Variants in ABCA4 observed in about 807,000 individuals in gnomAD.
ABCA4 encodes retinal-specific phospholipid-transporting ATPase ABCA4.
A neutral mutation model predicts 263.7 loss-of-function variants in ABCA4; 196 were observed. The observed-to-expected ratio is 0.74, with a 90% CI of 0.66 to 0.84. ABCA4 has a LOEUF of 0.84. ABCA4 is among the 40% of genes least tolerant of loss of function. The pLI is 0.00. For missense variants in ABCA4, 2,792 were observed against 2,855.1 expected (o/e 0.98, Z 0.50); for synonymous variants, 1,133 against 1,094.2 (o/e 1.04, Z -0.70).
chr1:94,028,930 A>AAAAAAAAAAAAAC (rs35998587), intron 30 of ABCA4, among the ~76,000 whole-genome samples: 6 of 108,038 alleles, frequency 5.6e-5, no homozygotes, highest in African/African-American at 1.1e-4. Flanking sequence ...AAAAAAAAAA[A>AAAAAAAAAAAAAC]GAAATTCAAA....
At position 94,028,586 on chromosome 1, in the gene ABCA4, G is replaced by A. The variant is rs141416377; in HGVS notation, c.4539+859C>T. Reference sequence around the variant, plus strand: ...ATGGTGAAAACTAAAAAACCTAAGTGGCGAATAATGGGAGATCAGTTAATT... The same window carrying A: ...ATGGTGAAAACTAAAAAACCTAAGTAGCGAATAATGGGAGATCAGTTAATT... On this transcript the variant is annotated intron_variant, in intron 30 of 49. Coordinates refer to ENST00000370225, the MANE Select transcript of ABCA4 (RefSeq NM_000350.3). 5.8e-3 allele frequency among the ~76,000 whole-genome samples: 881 copies of A among 152,232 alleles called. 4 individuals are homozygous for A. Among genetic ancestry groups the A allele is most frequent in the Non-Finnish European group, 1.0e-2 (678 of 68,006 alleles).
intron 11 of ABCA4, among the ~76,000 whole-genome samples, chr1:94,065,387 A>C (rs1387336532): frequency 6.6e-6 from 1 of 152,222 alleles, no homozygotes; most frequent in East Asian, 1.9e-4. Flanking sequence ...CGAGAAATAA[A>C]GAAACGAGAA....
At chr1:94,078,259 T>G (rs1442305974) in intron 10 of ABCA4, among the ~76,000 whole-genome samples, 2 of 152,248 alleles carry the variant, frequency 1.3e-5, no homozygotes, top group East Asian at 3.8e-4. Context: ...CATTCCACCA[T>G]CTTTGGAGTT....
intron 11 of ABCA4, among the ~76,000 whole-genome samples, chr1:94,075,060 A>G (rs1447366562): frequency 6.6e-6 from 1 of 152,182 alleles, no homozygotes; most frequent in Non-Finnish European, 1.5e-5. Context: ...CTAACACAGG[A>G]ACAGAAAACT....
At chr1:94,036,602 C>A in intron 26 of ABCA4, 138 bp downstream of exon 26, 1 of 888,766 alleles carries the variant, frequency 1.1e-6, no homozygotes, top group South Asian at 1.4e-5. Context: ...GTCTCGAACT[C>A]AGGTGGTCCA....
intron 36 of ABCA4, among the ~76,000 whole-genome samples, chr1:94,018,834 T>C (rs1449607939): frequency 2.0e-5 from 3 of 151,970 alleles, no homozygotes; most frequent in Non-Finnish European, 4.4e-5. Flanking sequence ...CCACCAACCT[T>C]GGTTGTCAGG....
intron 20 of ABCA4, among the ~76,000 whole-genome samples, chr1:94,043,746 ATATCT>A (rs1319109723): frequency 1.3e-5 from 2 of 149,590 alleles, no homozygotes; most frequent in African/African-American, 2.5e-5. Context: ...GATGTTCCTG[ATATCT>A]TATGTTTAAA....
chr1:94,062,547 A>G, intron 13 of ABCA4, 30 bp downstream of exon 13: 1 of 1,600,488 alleles, frequency 6.2e-7, no homozygotes, highest in African/African-American at 1.3e-5. Context: ...TTAGCGTGTC[A>G]TGGAGGAGGA....
Position 94,021,845 on chromosome 1 carries a change from C to A in ABCA4, c.4773+1G>T, listed in dbSNP as rs61751376. ...CTCAAATCTCCAGTCTGTTTACATA[C>A]CCCGCTCACATTCATGATCCGGCCA... On this transcript the variant is annotated splice_donor_variant, in intron 33 of 49. Coordinates refer to ENST00000370225, the MANE Select transcript of ABCA4 (RefSeq NM_000350.3). LOFTEE classifies it high-confidence loss of function. 6.2e-7 allele frequency: 1 copy of A among 1,614,066 alleles called. No homozygotes were observed. Among genetic ancestry groups the A allele is most frequent in the East Asian group, 2.2e-5 (1 of 44,878 alleles).
chr1:94,067,797 T>C (rs1451631437), intron 11 of ABCA4, among the ~76,000 whole-genome samples: 1 of 152,202 alleles, frequency 6.6e-6, no homozygotes, highest in Non-Finnish European at 1.5e-5. Context: ...TTTACTCATA[T>C]TCACCCATTT....
chr1:94,026,223 T>C (rs748297799), intron 30 of ABCA4, among the ~76,000 whole-genome samples: 2 of 151,774 alleles, frequency 1.3e-5, no homozygotes, highest in East Asian at 3.9e-4. Context: ...CTCCTCCCCC[T>C]GTTTTCCCAT....
rs182025751 is a variant in ABCA4, at chr1:94,037,859, G to A, written c.3608-509C>T. Among the ~76,000 whole-genome samples the A allele has an allele frequency of 4.6e-4, 70 of 152,124 alleles. No individual in the cohort carries two copies. The South Asian group carries it at 6.9e-3, about 15-fold the overall frequency. ...CTATTATTATCCTTTACATCATCTC[G>A]GTAAGAAATCTCTTACTCATGGTTG... On this transcript the variant is annotated intron_variant, in intron 24 of 49. Transcript: ENST00000370225.
chr1:94,047,653 G>C (rs1021882723), intron 18 of ABCA4, among the ~76,000 whole-genome samples: 1 of 152,102 alleles, frequency 6.6e-6, no homozygotes, highest in African/African-American at 2.4e-5. Flanking sequence ...TTTCTGGACC[G>C]CCATTCTCTT....
intron 40 of ABCA4, 69 bp from the exon 41 acceptor site, chr1:94,008,940 A>G: frequency 6.3e-7 from 1 of 1,588,966 alleles, no homozygotes; most frequent in African/African-American, 1.4e-5. Context: ...TTTCCATGGG[A>G]CCTCTCTTCC....
intron 44 of ABCA4, among the ~76,000 whole-genome samples, chr1:94,002,785 A>G (rs184123897): frequency 1.6e-3 from 241 of 152,278 alleles, no homozygotes; most frequent in African/African-American, 5.6e-3. Flanking sequence ...ACCCTGCCCC[A>G]GCAGTTCCTC....
rs1661373399 is a variant in ABCA4 at position 94,070,467 on chromosome 1, T to G, written c.1555-7150A>C. On this transcript the variant is annotated intron_variant, in intron 11 of 49. Transcript: ENST00000370225. ...TTATGCCCTTCCTCCTGCCTGAAAT[T>G]GTCTTTCTTCCTTGCTTAGCTGGAA... Among the ~76,000 whole-genome samples, 3 of 152,202 alleles carry G rather than the reference T, an allele frequency of 2.0e-5. No homozygotes were observed. In the South Asian group the frequency reaches 6.2e-4, roughly 31 times the overall value.
At chr1:94,117,886 C>A (rs1371084002) in intron 1 of ABCA4, among the ~76,000 whole-genome samples, 2 of 152,202 alleles carry the variant, frequency 1.3e-5, no homozygotes, top group Non-Finnish European at 1.5e-5. Context: ...TCCCAGTTTT[C>A]CAGGTCCAGT....
intron 13 of ABCA4, among the ~76,000 whole-genome samples, chr1:94,062,096 T>G (rs1037411121): frequency 3.9e-5 from 6 of 152,134 alleles, no homozygotes; most frequent in African/African-American, 1.4e-4. Flanking sequence ...ATCCAACACA[T>G]TCCTCTGCCT....
intron 6 of ABCA4, among the ~76,000 whole-genome samples, chr1:94,088,542 G>C (rs570347570): frequency 1.3e-5 from 2 of 152,306 alleles, no homozygotes; most frequent in East Asian, 1.9e-4. Context: ...TGACCACATC[G>C]TCTTACCCCA....
Sources: gnomAD v4.1 joint callset for allele counts (sites outside exome capture counted in the v4.1 genomes callset) on GRCh38, gnomAD v4.1.1 for gene constraint, MANE v1.5 for transcripts, NCBI Gene and HGNC (gene_info 2026-07-23, HGNC 2026-07-21) for gene names.